PCDHGB5: variants seen among roughly 807,000 people sequenced by gnomAD.
PCDHGB5 encodes the protein protocadherin gamma subfamily B, 5.
Under a neutral mutation model 62.9 loss-of-function variants are expected in PCDHGB5, and 48 were observed. That is an observed-to-expected ratio of 0.76 (90% CI 0.61 to 0.97). The LOEUF (loss-of-function observed/expected upper bound fraction) is 0.97, where lower values mean the gene tolerates loss of function less well. Ranked by LOEUF, PCDHGB5 falls within the 50% of genes least tolerant of loss-of-function variation. The pLI, the probability that PCDHGB5 is intolerant of heterozygous loss-of-function variation, is 0.00. For missense variants in PCDHGB5, 1,118 were observed against 1,198.6 expected (o/e 0.93, Z 0.99); for synonymous variants, 474 against 511.2 (o/e 0.93, Z 0.98).
intron 1 of PCDHGB5, among the ~76,000 whole-genome samples, chr5:141,475,567 A>G (rs1260546062): frequency 6.6e-6 from 1 of 152,244 alleles, no homozygotes; most frequent in African/African-American, 2.4e-5. Flanking sequence ...CTGTCTTCCA[A>G]CAAGCCAGAT....
In PCDHGB5 at chr5:141,512,243, C is replaced by T. The variant is rs1205585993; in HGVS notation, c.*1070C>T. ...AGGTCCCCTTGAGAGGTCAGAGGGG[C>T]CTCTGTGGGTGCTGGGTACTCCAGA... On this transcript the variant is annotated 3_prime_UTR_variant, in exon 4 of 4. Transcript: ENST00000617380. 2 of 152,728 alleles carry T rather than the reference C, an allele frequency of 1.3e-5. No homozygotes were observed. The highest frequency in any genetic ancestry group is 1.5e-5 in the Non-Finnish European group (1 of 68,138). 9.5% of individuals were successfully genotyped at this position (152,728 alleles called of 1,614,324 possible).
At chr5:141,411,215 A>C (rs1202378654) in intron 1 of PCDHGB5, 1 of 152,270 alleles carries the variant, frequency 6.6e-6, no homozygotes, top group Non-Finnish European at 1.5e-5. Context: ...TAACCTATCT[A>C]TTCAAATTTG....
Position 141,432,093 on chromosome 5 carries a change from CCAACGA to C in PCDHGB5, c.2397+31574_2397+31579del. 1.2e-6 allele frequency: 2 copies of C among 1,614,170 alleles called. No individual in the cohort carries two copies. The highest frequency in any genetic ancestry group is 1.7e-6 in the Non-Finnish European group (2 of 1,180,046). On this transcript the variant is annotated intron_variant, in intron 1 of 3. Coordinates refer to ENST00000617380, the MANE Select transcript of PCDHGB5 (RefSeq NM_018925.3). The surrounding 1 kb of genome is among the most constrained non-coding windows in gnomAD (Gnocchi z 6.0). ...CATATCTCGCTGAACGTGGCAGACA[CCAACGA>C]CAACCCGCCGGTCTTCCCTCAGGCC...
At chr5:141,422,899 G>C (rs759972749) in intron 1 of PCDHGB5, 13 of 1,614,116 alleles carry the variant, frequency 8.1e-6, no homozygotes, top group Middle Eastern at 3.3e-4. Context: ...GGACCAGAAC[G>C]ACAATGCGCC....
Position 141,486,915 on chromosome 5 carries a change from C to G in PCDHGB5, c.2398-7892C>G. The G allele has an allele frequency of 6.2e-7, 1 of 1,614,244 alleles. No individual in the cohort carries two copies. The highest frequency in any genetic ancestry group is 8.5e-7 in the Non-Finnish European group (1 of 1,180,046). ...GGTTCCTTATGTCCCCAAGCACTGCCTCCATCAGTTGGTGCTGGCCACCTA... is the reference window on the plus strand; with the variant it reads ...GGTTCCTTATGTCCCCAAGCACTGCGTCCATCAGTTGGTGCTGGCCACCTA... On this transcript the variant is annotated intron_variant, in intron 1 of 3. Transcript: ENST00000617380. This position sits in a 1 kb window ranked among gnomAD's most constrained non-coding sequence, Gnocchi z 5.0.
intron 1 of PCDHGB5, among the ~76,000 whole-genome samples, chr5:141,480,272 G>A (rs903112862): frequency 7.2e-6 from 1 of 138,796 alleles, no homozygotes; most frequent in African/African-American, 3.0e-5. Flanking sequence ...TTCATTAGCT[G>A]GGTGTGTTGG....
chr5:141,446,279 G>A (rs1326701686), intron 1 of PCDHGB5, among the ~76,000 whole-genome samples: 1 of 152,096 alleles, frequency 6.6e-6, no homozygotes, highest in African/African-American at 2.4e-5. Context: ...AAATACAATG[G>A]ATAAATGGGG....
chr5:141,457,891 T>C (rs2154566084), intron 1 of PCDHGB5, among the ~76,000 whole-genome samples: 1 of 152,346 alleles, frequency 6.6e-6, no homozygotes, highest in South Asian at 2.1e-4. Context: ...GTGTGGGGAC[T>C]GTGTAGACAA....
chr5:141,500,186 T>A (rs1008615587), intron 2 of PCDHGB5, among the ~76,000 whole-genome samples: 7 of 99,362 alleles, frequency 7.0e-5, no homozygotes, highest in African/African-American at 3.5e-4. Flanking sequence ...ATTTTTATTT[T>A]TATTTATTTA....
rs200519543 is a variant in PCDHGB5, at chr5:141,439,190, C to CAA, written c.2397+38680_2397+38681dup. 3.7e-3 allele frequency among the ~76,000 whole-genome samples: 409 copies of CAA among 111,790 alleles called. 4 individuals are homozygous for CAA. The highest frequency in any genetic ancestry group is 0.029 in the East Asian group (112 of 3,852). The allele number at this position is 111,790 out of a possible 152,430, so 73.3% of individuals were successfully genotyped here. A position where few individuals can be genotyped will look rare whatever the true frequency, so the allele number is the denominator to read the frequency against. On this transcript the variant is annotated intron_variant, in intron 1 of 3. Transcript: ENST00000617380. Reference sequence around the variant, plus strand: ...CCTGGGCGACATAGTGAGACTCTGACAAAAAAAAAAAAAAATCCATATGTG... The same window carrying CAA: ...CCTGGGCGACATAGTGAGACTCTGACAAAAAAAAAAAAAAAAATCCATATGTG...
At position 141,408,137 on chromosome 5, in the gene PCDHGB5, T is replaced by C; in HGVS notation, c.2397+7613T>C. ...CTCCTGTCCTGGGCCGAATGCTCTT[T>C]TAGCGCGGTAGAGTGCACTTTCTCC... On this transcript the variant is annotated intron_variant, in intron 1 of 3. Coordinates refer to ENST00000617380, the MANE Select transcript of PCDHGB5 (RefSeq NM_018925.3). 4.0e-6 allele frequency: 6 copies of C among 1,488,870 alleles called. No individual in the cohort carries two copies. The South Asian group carries it at 8.2e-5, about 20-fold the overall frequency. 92.2% of individuals were successfully genotyped at this position (1,488,870 alleles called of 1,614,324 possible).
intron 1 of PCDHGB5, chr5:141,402,822 C>G (rs1038768509): frequency 7.7e-7 from 1 of 1,302,260 alleles, no homozygotes; most frequent in African/African-American, 1.5e-5. Flanking sequence ...CAAACCTGCT[C>G]CCAGGCTGCA....
At chr5:141,504,545 TGTTGGGGG>T in intron 2 of PCDHGB5, among the ~76,000 whole-genome samples, 1 of 151,524 alleles carries the variant, frequency 6.6e-6, no homozygotes, top group South Asian at 2.1e-4. Flanking sequence ...TCATGGCAAA[TGTTGGGGG>T]ACTGGCATTC....
intron 2 of PCDHGB5, 160 bp from the exon 3 acceptor site, chr5:141,505,233 C>T: frequency 1.1e-6 from 1 of 872,838 alleles, no homozygotes; most frequent in Non-Finnish European, 1.4e-6. Context: ...ATTCTGGCTT[C>T]TGAAGGATTG....
chr5:141,410,238 C>CA, intron 1 of PCDHGB5: 1 of 1,614,046 alleles, frequency 6.2e-7, no homozygotes, highest in Non-Finnish European at 8.5e-7. Context: ...AGCGACCGCC[C>CA]TGTACTCTCT....
At chr5:141,423,940 G>T in intron 1 of PCDHGB5, 1 of 1,217,216 alleles carries the variant, frequency 8.2e-7, no homozygotes, top group Non-Finnish European at 1.0e-6. Context: ...TTTGAAGTAA[G>T]TTGAATTTTA....
At position 141,398,529 on chromosome 5, in the gene PCDHGB5, G is replaced by A. The variant is rs375949491; in HGVS notation, c.402G>A (p.Thr134=). 2 of 1,613,544 alleles carry A rather than the reference G, an allele frequency of 1.2e-6. No homozygotes were observed. Among genetic ancestry groups the A allele is most frequent in the South Asian group, 1.1e-5 (1 of 91,048 alleles). The part of the protein sequence containing the change: ...EDINDHTPKF[T]QNSFELQISE... ...TTAATGACCACACGCCAAAATTCAC[G>A]CAAAATTCCTTTGAGCTGCAAATAA... Residue 134 remains threonine, a synonymous_variant, in exon 1 of 4, where the codon ACG becomes ACA. Coordinates refer to ENST00000617380, the MANE Select transcript of PCDHGB5 (RefSeq NM_018925.3).
intron 1 of PCDHGB5, chr5:141,478,285 T>G (rs1468354835): frequency 6.2e-7 from 1 of 1,614,040 alleles, no homozygotes; most frequent in Non-Finnish European, 8.5e-7. Context: ...GGAAGCAGTC[T>G]AGAGACCTAT....
At chr5:141,441,680 C>T in intron 1 of PCDHGB5, 1 of 295,840 alleles carries the variant, frequency 3.4e-6, no homozygotes, top group South Asian at 2.8e-5. Context: ...GCGCCTTCGA[C>T]CAAGAGCAGC....
Sources: allele counts gnomAD v4.1 joint callset (sites outside exome capture counted in the v4.1 genomes callset), GRCh38; gene constraint gnomAD v4.1.1; non-coding constraint Gnocchi (gnomAD v3.1); transcripts MANE v1.5; gene names NCBI Gene and HGNC (gene_info 2026-07-23, HGNC 2026-07-21).